The following FAM222A variants were observed in gnomAD, a reference collection of about 807,000 sequenced individuals.
FAM222A encodes protein FAM222A.
A neutral mutation model predicts 25.8 loss-of-function variants in FAM222A; 7 were observed. The ratio of observed to expected loss-of-function variants is 0.27; its 90% CI spans 0.15 to 0.51. The LOEUF (loss-of-function observed/expected upper bound fraction) is 0.51, where lower values mean the gene tolerates loss of function less well. Ranked by LOEUF, FAM222A falls within the 20% of genes least tolerant of loss-of-function variation. FAM222A has a pLI of 0.97. For synonymous variants in FAM222A, 294 were observed against 298.8 expected (o/e 0.98, Z 0.17); for missense variants, 573 against 640.5 (o/e 0.89, Z 1.14).
chr12:109,758,401 C>T lies in FAM222A; in HGVS notation c.83-9611C>T, dbSNP rs146864971. ...TTTCATCTCCATTCCCCTGCCCTCA[C>T]GGGAAACAGACATCAGGAGAGCTGC... On this transcript the variant is annotated intron_variant, in intron 2 of 2. Transcript: ENST00000538780. 8.8e-3 allele frequency among the ~76,000 whole-genome samples: 1,347 copies of T among 152,316 alleles called. 32 individuals are homozygous for T. Among genetic ancestry groups the T allele is most frequent in the African/African-American group, 0.031 (1,275 of 41,550 alleles).
chr12:109,765,563 T>C (rs1321911046), intron 2 of FAM222A, among the ~76,000 whole-genome samples: 1 of 152,222 alleles, frequency 6.6e-6, no homozygotes, highest in Non-Finnish European at 1.5e-5. Context: ...TTTCACCTCT[T>C]CTACCAGTGG....
chr12:109,721,886 C>T (rs1261444193), intron 1 of FAM222A, among the ~76,000 whole-genome samples: 1 of 152,164 alleles, frequency 6.6e-6, no homozygotes, highest in Non-Finnish European at 1.5e-5. Context: ...GCAAGCCTCC[C>T]TGCACCTCCA....
At chr12:109,717,963 G>A (rs1239212984) in intron 1 of FAM222A, among the ~76,000 whole-genome samples, 1 of 152,168 alleles carries the variant, frequency 6.6e-6, no homozygotes. Context: ...GCTCTGGCGT[G>A]GGTTGGGCCT....
intron 2 of FAM222A, among the ~76,000 whole-genome samples, chr12:109,759,234 C>A (rs1430262257): frequency 6.6e-6 from 1 of 152,238 alleles, no homozygotes; most frequent in Admixed American, 6.5e-5. Context: ...CAAATGGGGG[C>A]AGCCCCAGAA....
chr12:109,768,945 T>C lies in FAM222A; in HGVS notation c.1016T>C (p.Phe339Ser). 6.4e-7 allele frequency: 1 copy of C among 1,574,452 alleles called. No homozygotes were observed. Among genetic ancestry groups the C allele is most frequent in the Non-Finnish European group, 8.6e-7 (1 of 1,166,468 alleles). The change falls in exon 3 of 3, where the codon TTC becomes TCC. Residue 339 changes from phenylalanine (F) to serine (S), a missense_variant. By Grantham distance (155) the Phe-to-Ser change is radical. Transcript: ENST00000538780. ...LNCGVGLPTS[F>S]TVGQYFAAPW... ...TGTGGCGTGGGGCTGCCCACCAGCT[T>C]CACCGTAGGCCAGTACTTTGCGGCC...
chr12:109,745,343 T>A (rs954259579), intron 2 of FAM222A, among the ~76,000 whole-genome samples: 1 of 152,212 alleles, frequency 6.6e-6, no homozygotes, highest in Non-Finnish European at 1.5e-5. Flanking sequence ...GGGTGGCCCA[T>A]AATTTATTTG....
intron 2 of FAM222A, among the ~76,000 whole-genome samples, chr12:109,756,203 T>C (rs920581434): frequency 2.0e-5 from 3 of 152,232 alleles, no homozygotes; most frequent in Admixed American, 6.5e-5. Flanking sequence ...CTGTTGTAAT[T>C]GGAATTTTCT....
At chr12:109,723,417 C>T (rs1887784874) in intron 1 of FAM222A, among the ~76,000 whole-genome samples, 1 of 152,216 alleles carries the variant, frequency 6.6e-6, no homozygotes, top group African/African-American at 2.4e-5. Context: ...GGTTCTGGCA[C>T]CTCAGTCTTG....
intron 2 of FAM222A, among the ~76,000 whole-genome samples, chr12:109,746,566 A>G (rs1252732547): frequency 6.6e-6 from 1 of 152,036 alleles, no homozygotes; most frequent in Non-Finnish European, 1.5e-5. Context: ...GTGGATCTAA[A>G]TACATTCAAG....
At chr12:109,749,214 C>G (rs1371385374) in intron 2 of FAM222A, among the ~76,000 whole-genome samples, 2 of 152,128 alleles carry the variant, frequency 1.3e-5, no homozygotes, top group African/African-American at 2.4e-5. Flanking sequence ...TCAAGTGATT[C>G]TTCTGCCTCA....
intron 2 of FAM222A, among the ~76,000 whole-genome samples, chr12:109,747,468 T>C (rs1222508877): frequency 6.6e-6 from 1 of 152,228 alleles, no homozygotes; most frequent in Non-Finnish European, 1.5e-5. Flanking sequence ...TCCTTGGCTC[T>C]TTTATTATTT....
chr12:109,723,002 TG>T (rs141202990), intron 1 of FAM222A, among the ~76,000 whole-genome samples: 13,351 of 61,852 alleles, frequency 0.22, 1,154 homozygotes, highest in East Asian at 0.53. Flanking sequence ...AGGGAGCGGG[TG>T]GGGGGGGGAG....
intron 1 of FAM222A, among the ~76,000 whole-genome samples, chr12:109,720,403 C>T (rs1440742568): frequency 6.6e-6 from 1 of 152,226 alleles, no homozygotes; most frequent in African/African-American, 2.4e-5. Context: ...GCTGCCAGGG[C>T]ACGGGCAGCT....
chr12:109,765,291 C>T (rs79147816), intron 2 of FAM222A, among the ~76,000 whole-genome samples: 4 of 152,230 alleles, frequency 2.6e-5, no homozygotes, highest in Admixed American at 1.3e-4. Flanking sequence ...ATGACCCACC[C>T]GATGCCAGTA....
intron 2 of FAM222A, among the ~76,000 whole-genome samples, chr12:109,757,714 T>C (rs2136372249): frequency 7.1e-6 from 1 of 140,180 alleles, no homozygotes; most frequent in Admixed American, 7.1e-5. Flanking sequence ...GAGCCACGGA[T>C]GTGGCTGCAG....
chr12:109,754,623 A>T (rs1888661733), intron 2 of FAM222A, among the ~76,000 whole-genome samples: 1 of 151,910 alleles, frequency 6.6e-6, no homozygotes, highest in African/African-American at 2.4e-5. Context: ...TTACAAAAGC[A>T]GCCAGCAGGC....
chr12:109,724,405 T>C (rs1566184294), intron 1 of FAM222A, among the ~76,000 whole-genome samples: 1 of 152,336 alleles, frequency 6.6e-6, no homozygotes, highest in East Asian at 1.9e-4. Context: ...GAAATGCAAC[T>C]CCAGGAGGCT....
Position 109,714,549 on chromosome 12 carries a change from C to G in FAM222A, c.-395C>G, listed in dbSNP as rs1224055636. The G allele has an allele frequency of 2.6e-5, 4 of 151,736 alleles. No individual in the cohort carries two copies. Among genetic ancestry groups the G allele is most frequent in the South Asian group, 4.1e-4 (2 of 4,836 alleles). 9.4% of individuals were successfully genotyped at this position (151,736 alleles called of 1,614,324 possible). Reference sequence around the variant, plus strand: ...AGGGCGCCCTGGGAGCGGCGCGGGCCGAGCTGCAGCCTTGAGCGGGGCCCC... The same window carrying G: ...AGGGCGCCCTGGGAGCGGCGCGGGCGGAGCTGCAGCCTTGAGCGGGGCCCC... On this transcript the variant is annotated 5_prime_UTR_variant, in exon 1 of 3. Transcript: ENST00000538780. This position sits in a 1 kb window ranked among gnomAD's most constrained non-coding sequence, Gnocchi z 4.2.
At chr12:109,765,701 G>A (rs981847929) in intron 2 of FAM222A, among the ~76,000 whole-genome samples, 9 of 152,024 alleles carry the variant, frequency 5.9e-5, no homozygotes, top group East Asian at 1.9e-4. Context: ...TGTCAGGGAC[G>A]ATGCTTTAGA....
Sources: gnomAD v4.1 joint callset for allele counts (sites outside exome capture counted in the v4.1 genomes callset) on GRCh38, gnomAD v4.1.1 for gene constraint, Gnocchi (gnomAD v3.1) non-coding constraint, MANE v1.5 for transcripts, NCBI Gene and HGNC (gene_info 2026-07-23, HGNC 2026-07-21) for gene names.